EDARADD: variants seen among roughly 807,000 people sequenced by gnomAD.
The protein encoded by EDARADD is EDAR associated via death domain.
A neutral mutation model predicts 25.6 loss-of-function variants in EDARADD; 20 were observed. The ratio of observed to expected loss-of-function variants is 0.78; its 90% CI spans 0.55 to 1.14. The LOEUF (loss-of-function observed/expected upper bound fraction) is 1.14. Among genes scored for constraint, EDARADD ranks in the 50% most tolerant of loss-of-function variants. The pLI, the probability that EDARADD is intolerant of heterozygous loss-of-function variation, is 0.00. For missense variants in EDARADD, 225 were observed against 270.1 expected (o/e 0.83, Z 1.17); for synonymous variants, 86 against 94.4 (o/e 0.91, Z 0.52).
intron 5 of EDARADD, among the ~76,000 whole-genome samples, chr1:236,473,942 C>G (rs1659429220): frequency 6.6e-6 from 1 of 152,030 alleles, no homozygotes; most frequent in African/African-American, 2.4e-5. Context: ...ATAATCAAAA[C>G]CTAACATCTT....
chr1:236,395,385 A>G lies in EDARADD; in HGVS notation c.61+880A>G. The G allele has an allele frequency of 2.2e-6, 3 of 1,383,146 alleles. No homozygotes were observed. The highest frequency in any genetic ancestry group is 1.5e-5 in the African/African-American group (1 of 66,914). 85.7% of individuals were successfully genotyped at this position (1,383,146 alleles called of 1,614,324 possible). On this transcript the variant is annotated intron_variant, in intron 1 of 5. Transcript: ENST00000334232. The surrounding 1 kb of genome is among the most constrained non-coding windows in gnomAD (Gnocchi z 6.9). ...CCGCCCCGCGCCTCTGGAGGGAGGTACCGAGGGACGCGCAGCGAAGGGGCT... is the reference window on the plus strand; with the variant it reads ...CCGCCCCGCGCCTCTGGAGGGAGGTGCCGAGGGACGCGCAGCGAAGGGGCT...
chr1:236,473,158 T>G (rs1659401450), intron 5 of EDARADD, among the ~76,000 whole-genome samples: 1 of 152,172 alleles, frequency 6.6e-6, no homozygotes, highest in Admixed American at 6.5e-5. Flanking sequence ...TTATTCTATC[T>G]GGGAGAGACA....
At chr1:236,428,076 A>T (rs10925123) in intron 4 of EDARADD, among the ~76,000 whole-genome samples, 4,451 of 152,052 alleles carry the variant, frequency 0.029, 222 homozygotes, top group African/African-American at 0.1. Flanking sequence ...CAGATAAACA[A>T]GTGAACAAAG....
intron 4 of EDARADD, among the ~76,000 whole-genome samples, chr1:236,434,801 T>C (rs1015008255): frequency 6.6e-5 from 10 of 151,950 alleles, no homozygotes; most frequent in African/African-American, 2.4e-4. Flanking sequence ...GTGGAAGGTA[T>C]TGGGGATTTT....
chr1:236,355,379 A>G (rs1666961465), intron 3 of EDARADD, among the ~76,000 whole-genome samples: 1 of 150,714 alleles, frequency 6.6e-6, no homozygotes, highest in African/African-American at 2.4e-5. Context: ...TTCAAAATGT[A>G]TTTGTGTGTT....
chr1:236,420,971 T>C (rs1247838565), intron 3 of EDARADD, among the ~76,000 whole-genome samples: 2 of 147,324 alleles, frequency 1.4e-5, no homozygotes, highest in East Asian at 4.0e-4. Context: ...TGACCTCAGG[T>C]GATCCACCTG....
chr1:236,390,966 G>A (rs576997187), upstream of EDARADD, among the ~76,000 whole-genome samples: 1 of 28,016 alleles, frequency 3.6e-5, no homozygotes, highest in East Asian at 2.7e-3. Flanking sequence ...ATTATTTTTT[G>A]AGATGGAGTC....
rs878915290 is a variant in EDARADD at position 236,484,217 on chromosome 1, T to C, written c.*1568T>C. The C allele has an allele frequency of 2.0e-6, 2 of 998,088 alleles. No individual in the cohort carries two copies. Among genetic ancestry groups the C allele is most frequent in the Non-Finnish European group, 3.2e-6 (2 of 618,762 alleles). The allele number at this position is 998,088 out of a possible 1,614,324, so 61.8% of individuals were successfully genotyped here. A position where few individuals can be genotyped will look rare whatever the true frequency, so the allele number is the denominator to read the frequency against. On this transcript the variant is annotated 3_prime_UTR_variant, in exon 6 of 6. Coordinates refer to ENST00000334232, the MANE Select transcript of EDARADD (RefSeq NM_145861.4). The surrounding 1 kb of genome is among the most constrained non-coding windows in gnomAD (Gnocchi z 4.1). Reference sequence around the variant, plus strand: ...AAGTGAACCAGATTCGCTCTGTGACTGAGTCCCTTCAGGCGTGCAAGCTGG... The same window carrying C: ...AAGTGAACCAGATTCGCTCTGTGACCGAGTCCCTTCAGGCGTGCAAGCTGG...
At chr1:236,473,073 AC>A (rs1333205322) in intron 5 of EDARADD, among the ~76,000 whole-genome samples, 1 of 152,232 alleles carries the variant, frequency 6.6e-6, no homozygotes, top group African/African-American at 2.4e-5. Context: ...TTCATCAAAT[AC>A]TTATTGAGCA....
rs148579145 is a variant in EDARADD, at chr1:236,371,111, A to G, written c.-6+20272A>G. The stretch of plus-strand genomic sequence containing the variant: ...GACTTTAGGGGTAGGTTTGCATAGT[A>G]CCCCCCAAGAAACATAGATCTTGTA... On this transcript the variant is annotated intron_variant, in intron 3 of 7. Coordinates refer to the EDARADD transcript ENST00000439430. Among the ~76,000 whole-genome samples, 11 of 152,254 alleles carry G rather than the reference A, an allele frequency of 7.2e-5. 1 individual carries two copies. The highest frequency in any genetic ancestry group is 2.6e-4 in the African/African-American group (11 of 41,548).
intron 4 of EDARADD, among the ~76,000 whole-genome samples, chr1:236,433,467 C>T (rs1004029776): frequency 6.6e-6 from 1 of 151,726 alleles, no homozygotes; most frequent in African/African-American, 2.4e-5. Flanking sequence ...CCCACCACCA[C>T]ACCCAGATAA....
At position 236,459,860 on chromosome 1, in the gene EDARADD, C is replaced by T. The variant is rs547753917; in HGVS notation, c.220-8371C>T. On this transcript the variant is annotated intron_variant, in intron 4 of 5. Coordinates refer to ENST00000334232, the MANE Select transcript of EDARADD (RefSeq NM_145861.4). ...AACTCCTGGCCTTAGGTGATCCACC[C>T]GCCTCAGCATCCCAAAGTGCTGGGA... Among the ~76,000 whole-genome samples, 17 of 152,144 alleles carry T rather than the reference C, an allele frequency of 1.1e-4. No homozygotes were observed. In the South Asian group the frequency reaches 2.7e-3, roughly 24 times the overall value.
intron 3 of EDARADD, among the ~76,000 whole-genome samples, chr1:236,361,871 C>T (rs768209994): frequency 1.3e-5 from 2 of 151,620 alleles, no homozygotes; most frequent in African/African-American, 2.4e-5. Flanking sequence ...TCTGAACATC[C>T]GTGTATACGT....
At chr1:236,380,077 A>C (rs986727738) in intron 3 of EDARADD, among the ~76,000 whole-genome samples, 2 of 152,152 alleles carry the variant, frequency 1.3e-5, no homozygotes, top group African/African-American at 4.8e-5. Flanking sequence ...CCTGCCTCTC[A>C]GTGTACTTCC....
At chr1:236,376,995 A>C (rs910184988) in intron 3 of EDARADD, among the ~76,000 whole-genome samples, 1 of 151,780 alleles carries the variant, frequency 6.6e-6, no homozygotes, top group African/African-American at 2.4e-5. Context: ...CATTTCTGTT[A>C]CAGTATTTTT....
At chr1:236,464,156 C>T (rs35490647) in intron 4 of EDARADD, among the ~76,000 whole-genome samples, 8,974 of 152,272 alleles carry the variant, frequency 0.059, 313 homozygotes, top group Admixed American at 0.091. Flanking sequence ...CCGGCCACCA[C>T]CCGGCTAGAA....
intron 3 of EDARADD, among the ~76,000 whole-genome samples, chr1:236,388,128 A>ATGTGTGTG (rs113190602): frequency 1.3e-5 from 2 of 149,690 alleles, no homozygotes; most frequent in Admixed American, 1.3e-4. Context: ...TGCATTGTGT[A>ATGTGTGTG]TGTGTGTGTG....
intron 4 of EDARADD, among the ~76,000 whole-genome samples, chr1:236,435,387 G>T (rs560629443): frequency 6.6e-6 from 1 of 152,322 alleles, no homozygotes; most frequent in Middle Eastern, 3.4e-3. Flanking sequence ...CCCCTTGAGG[G>T]CAGGGACTCC....
intron 3 of EDARADD, among the ~76,000 whole-genome samples, chr1:236,365,919 T>A (rs1256607063): frequency 6.6e-6 from 1 of 152,220 alleles, no homozygotes; most frequent in African/African-American, 2.4e-5. Flanking sequence ...TCCAGTGTAT[T>A]TGTCTTCTCA....
Sources: gnomAD v4.1 joint callset for allele counts (sites outside exome capture counted in the v4.1 genomes callset) on GRCh38, gnomAD v4.1.1 for gene constraint, Gnocchi (gnomAD v3.1) non-coding constraint, MANE v1.5 for transcripts, NCBI Gene and HGNC (gene_info 2026-07-23, HGNC 2026-07-21) for gene names.